Variants in CBLB observed in about 807,000 individuals in gnomAD.
CBLB encodes the protein E3 ubiquitin-protein ligase CBL-B.
A neutral mutation model predicts 104.9 loss-of-function variants in CBLB; 31 were observed. The ratio of observed to expected loss-of-function variants is 0.30; its 90% CI spans 0.22 to 0.40. The LOEUF (loss-of-function observed/expected upper bound fraction) is 0.40, where lower values mean the gene tolerates loss of function less well. CBLB is among the 10% of genes least tolerant of loss of function. The probability of loss-of-function intolerance (pLI) is 1.00; values close to 1 mark genes in which losing one functional copy is unlikely to be tolerated. For synonymous variants in CBLB, 440 were observed against 422.6 expected (o/e 1.04, Z -0.51); for missense variants, 1,062 against 1,214.6 (o/e 0.87, Z 1.87).
intron 3 of CBLB, among the ~76,000 whole-genome samples, chr3:105,779,688 A>G (rs987705639): frequency 2.0e-5 from 3 of 152,084 alleles, no homozygotes; most frequent in African/African-American, 7.2e-5. Context: ...AAGGAAAAAA[A>G]AAAGAGAAAG....
intron 3 of CBLB, among the ~76,000 whole-genome samples, chr3:105,851,523 T>G (rs1406533848): frequency 2.0e-5 from 3 of 152,184 alleles, no homozygotes; most frequent in Non-Finnish European, 4.4e-5. Flanking sequence ...TAATGTAAAC[T>G]CTAGGCTTTA....
At chr3:105,781,730 A>C (rs966366097) in intron 3 of CBLB, among the ~76,000 whole-genome samples, 5 of 152,212 alleles carry the variant, frequency 3.3e-5, no homozygotes, top group Non-Finnish European at 5.9e-5. Context: ...ATGCTGAATT[A>C]GTAAAAACTT....
intron 11 of CBLB, among the ~76,000 whole-genome samples, chr3:105,702,836 T>C (rs948284869): frequency 6.6e-6 from 1 of 152,184 alleles, no homozygotes; most frequent in Non-Finnish European, 1.5e-5. Context: ...AAAGTTGTCA[T>C]GGTTTCAGTT....
At chr3:105,859,644 C>G (rs2091927694) in intron 2 of CBLB, among the ~76,000 whole-genome samples, 1 of 123,700 alleles carries the variant, frequency 8.1e-6, no homozygotes, top group South Asian at 2.8e-4. Flanking sequence ...ACCTGGGCCA[C>G]AGAGTGAGAC....
intron 4 of CBLB, among the ~76,000 whole-genome samples, chr3:105,760,337 T>G (rs1019551778): frequency 1.5e-4 from 23 of 152,274 alleles, no homozygotes; most frequent in African/African-American, 4.6e-4. Flanking sequence ...TAGAAGCCAC[T>G]GACTGTAAAA....
intron 5 of CBLB, chr3:105,749,778 G>T: frequency 3.4e-6 from 1 of 292,578 alleles, no homozygotes; most frequent in Non-Finnish European, 6.8e-6. Context: ...TTAAAGAAAG[G>T]AGAGGTTCCA....
At chr3:105,685,036 T>G (rs1255163159) in intron 14 of CBLB, among the ~76,000 whole-genome samples, 1 of 152,066 alleles carries the variant, frequency 6.6e-6, no homozygotes, top group Non-Finnish European at 1.5e-5. Flanking sequence ...TGAAGAAAAA[T>G]TCTAAGGAAG....
At chr3:105,691,920 A>T (rs1395400759) in intron 13 of CBLB, among the ~76,000 whole-genome samples, 1 of 152,150 alleles carries the variant, frequency 6.6e-6, no homozygotes, top group African/African-American at 2.4e-5. Context: ...GACATCCTTC[A>T]TTCACAAAGT....
rs867912788 is a variant in CBLB at position 105,734,226 on chromosome 3, G to A, written c.1072-86C>T. ...ATCAAATTTTCCCAAATAAAATGAC[G>A]CACAGTCAATATCTCACAATTGACC... On this transcript the variant is annotated intron_variant, in intron 8 of 18. Coordinates refer to ENST00000394030, the MANE Select transcript of CBLB (RefSeq NM_170662.5). 61 of 1,339,240 alleles carry A rather than the reference G, an allele frequency of 4.6e-5. 1 individual carries two copies. Among genetic ancestry groups the A allele is most frequent in the Middle Eastern group, 2.0e-4 (1 of 4,882 alleles). 83.0% of individuals were successfully genotyped at this position (1,339,240 alleles called of 1,614,324 possible). A position where few individuals can be genotyped will look rare whatever the true frequency, so the allele number is the denominator to read the frequency against.
At chr3:105,817,859 C>G (rs1442996424) in intron 3 of CBLB, among the ~76,000 whole-genome samples, 2 of 152,094 alleles carry the variant, frequency 1.3e-5, no homozygotes, top group East Asian at 3.9e-4. Context: ...ACACGTAAAG[C>G]AAAGTACATC....
intron 6 of CBLB, 77 bp from the exon 7 acceptor site, chr3:105,740,708 C>T: frequency 7.9e-7 from 1 of 1,270,840 alleles, no homozygotes. Flanking sequence ...AGGTTTCTTC[C>T]AAGCAAAAGA....
intron 12 of CBLB, among the ~76,000 whole-genome samples, chr3:105,694,224 A>C (rs1023346514): frequency 6.6e-6 from 1 of 151,924 alleles, no homozygotes; most frequent in African/African-American, 2.4e-5. Context: ...GACCATCCAA[A>C]GCCAGTGTTC....
rs1366386884 is a variant in CBLB, at chr3:105,655,837, G to GA, written c.*3132dup. On this transcript the variant is annotated 3_prime_UTR_variant, in exon 19 of 19. Transcript: ENST00000394030. Reference sequence around the variant, plus strand: ...AAAGCTTCAAGTTGAAAATCTGAGAGAAAAAATAACGTTCGAACTGTAGGA... The same window carrying GA: ...AAAGCTTCAAGTTGAAAATCTGAGAGAAAAAAATAACGTTCGAACTGTAGGA... 1.8e-5 allele frequency: 4 copies of GA among 218,538 alleles called. No homozygotes were observed. Among genetic ancestry groups the GA allele is most frequent in the South Asian group, 3.7e-4 (2 of 5,394 alleles). 13.5% of individuals were successfully genotyped at this position (218,538 alleles called of 1,614,324 possible).
chr3:105,734,426 G>A (rs1209908944), intron 8 of CBLB, among the ~76,000 whole-genome samples: 1 of 151,982 alleles, frequency 6.6e-6, no homozygotes, highest in African/African-American at 2.4e-5. Flanking sequence ...TGCTTCAATA[G>A]TCATGGTGAC....
At chr3:105,667,831 G>A (rs2064642432) in intron 18 of CBLB, among the ~76,000 whole-genome samples, 2 of 152,154 alleles carry the variant, frequency 1.3e-5, no homozygotes, top group Non-Finnish European at 2.9e-5. Flanking sequence ...ATAAGGCAGA[G>A]CAATCATACC....
chr3:105,718,976 G>C (rs1039921077), intron 10 of CBLB, among the ~76,000 whole-genome samples: 3 of 152,202 alleles, frequency 2.0e-5, no homozygotes, highest in Non-Finnish European at 4.4e-5. Context: ...TGACTAGTCT[G>C]TTGTGTACCT....
intron 3 of CBLB, among the ~76,000 whole-genome samples, chr3:105,789,204 G>C (rs1223583830): frequency 1.3e-5 from 2 of 152,112 alleles, no homozygotes; most frequent in African/African-American, 4.8e-5. Flanking sequence ...AGCACTATTA[G>C]AGCTACCAAT....
At chr3:105,847,252 C>A (rs550345219) in intron 3 of CBLB, among the ~76,000 whole-genome samples, 1 of 152,156 alleles carries the variant, frequency 6.6e-6, no homozygotes, top group African/African-American at 2.4e-5. Flanking sequence ...ACAAATTATT[C>A]TTTGTTTAGC....
intron 3 of CBLB, among the ~76,000 whole-genome samples, chr3:105,813,634 C>T (rs1334927591): frequency 1.3e-5 from 2 of 151,964 alleles, no homozygotes; most frequent in Non-Finnish European, 2.9e-5. Flanking sequence ...GGTTATTCCT[C>T]CAAGGACCAA....
Sources: allele counts gnomAD v4.1 joint callset (sites outside exome capture counted in the v4.1 genomes callset), GRCh38; gene constraint gnomAD v4.1.1; transcripts MANE v1.5; gene names NCBI Gene and HGNC (gene_info 2026-07-23, HGNC 2026-07-21).